Variants in CACNA2D1 observed in about 807,000 individuals in gnomAD.
CACNA2D1 encodes the protein voltage-dependent calcium channel subunit alpha-2/delta-1.
A neutral mutation model predicts 171.5 loss-of-function variants in CACNA2D1; 53 were observed. That is an observed-to-expected ratio of 0.31 (90% CI 0.25 to 0.39). The LOEUF is 0.39. Among genes scored for constraint, CACNA2D1 ranks in the 10% least tolerant of loss-of-function variants. The pLI is 1.00. For synonymous variants in CACNA2D1, 442 were observed against 443.1 expected (o/e 1.00, Z 0.03); for missense variants, 903 against 1,299.8 (o/e 0.69, Z 4.69).
chr7:82,020,578 C>A (rs1801066758), intron 12 of CACNA2D1, among the ~76,000 whole-genome samples: 1 of 151,894 alleles, frequency 6.6e-6, no homozygotes, highest in South Asian at 2.1e-4. Context: ...CTTTTATAGT[C>A]AAACTATTAG....
At chr7:81,987,461 C>G (rs1290218321) in intron 21 of CACNA2D1, among the ~76,000 whole-genome samples, 1 of 152,084 alleles carries the variant, frequency 6.6e-6, no homozygotes, top group Non-Finnish European at 1.5e-5. Flanking sequence ...CTTTTCAACT[C>G]ATTTATCTCC....
At chr7:82,251,814 A>G (rs555576273) in intron 3 of CACNA2D1, among the ~76,000 whole-genome samples, 3 of 152,328 alleles carry the variant, frequency 2.0e-5, no homozygotes, top group African/African-American at 7.2e-5. Flanking sequence ...TGGAAGGAGC[A>G]GGAGATAGGA....
chr7:82,136,748 T>C (rs1791668831), intron 4 of CACNA2D1, 72 bp from the exon 5 acceptor site: 3 of 1,006,944 alleles, frequency 3.0e-6, no homozygotes, highest in Non-Finnish European at 3.0e-6. Flanking sequence ...ATACATTTTA[T>C]GCATATTATA....
chr7:81,969,794 A>C (rs968526066), intron 28 of CACNA2D1, 87 bp downstream of exon 28: 1 of 754,916 alleles, frequency 1.3e-6, no homozygotes, highest in Admixed American at 1.9e-5. Context: ...TTAACATAAA[A>C]TGTAGTGATT....
chr7:82,125,080 A>G (rs534071046), intron 5 of CACNA2D1, among the ~76,000 whole-genome samples: 1 of 152,364 alleles, frequency 6.6e-6, no homozygotes, highest in East Asian at 1.9e-4. Flanking sequence ...TTATGTTGGA[A>G]TTAATTTTAA....
intron 3 of CACNA2D1, among the ~76,000 whole-genome samples, chr7:82,222,851 T>G (rs765485361): frequency 4.6e-5 from 7 of 151,580 alleles, no homozygotes; most frequent in Admixed American, 2.6e-4. Flanking sequence ...TCAAAATTAG[T>G]TTTTTTTCCA....
At chr7:82,241,348 C>T (rs1379912372) in intron 3 of CACNA2D1, among the ~76,000 whole-genome samples, 7 of 152,160 alleles carry the variant, frequency 4.6e-5, no homozygotes, top group African/African-American at 1.4e-4. Context: ...ATTCTCTACA[C>T]CACAAGGTAA....
intron 6 of CACNA2D1, among the ~76,000 whole-genome samples, chr7:82,085,228 T>C (rs1810307495): frequency 6.6e-6 from 1 of 152,096 alleles, no homozygotes; most frequent in South Asian, 2.1e-4. Context: ...CCTGTGAAAA[T>C]GTTTAGCAGC....
chr7:82,048,642 T>C (rs1256047638), intron 10 of CACNA2D1, among the ~76,000 whole-genome samples: 4 of 152,114 alleles, frequency 2.6e-5, no homozygotes, highest in African/African-American at 7.2e-5. Context: ...TAAGTTCTCA[T>C]AGTGTCAATT....
At chr7:82,069,410 T>C (rs561147720) in intron 7 of CACNA2D1, among the ~76,000 whole-genome samples, 1 of 152,188 alleles carries the variant, frequency 6.6e-6, no homozygotes, top group Non-Finnish European at 1.5e-5. Flanking sequence ...CAGTTCACAA[T>C]GTAGACGTCT....
At chr7:82,009,418 A>C (rs781632257) in intron 15 of CACNA2D1, among the ~76,000 whole-genome samples, 1 of 152,104 alleles carries the variant, frequency 6.6e-6, no homozygotes, top group Non-Finnish European at 1.5e-5. Context: ...TAATTATATA[A>C]ATTAATGCTT....
chr7:82,103,111 C>G (rs1812886353), intron 6 of CACNA2D1, among the ~76,000 whole-genome samples: 2 of 152,078 alleles, frequency 1.3e-5, no homozygotes, highest in South Asian at 2.1e-4. Context: ...AGTTCGAGAC[C>G]AGCCTGGCCA....
chr7:81,961,781 A>G, intron 36 of CACNA2D1, 113 bp downstream of exon 36: 1 of 929,730 alleles, frequency 1.1e-6, no homozygotes, highest in South Asian at 1.5e-5. Flanking sequence ...ACTCCAACAC[A>G]ATTTTCAGTT....
chr7:82,333,582 G>A (rs1455116246), intron 3 of CACNA2D1, among the ~76,000 whole-genome samples: 3 of 151,584 alleles, frequency 2.0e-5, no homozygotes, highest in East Asian at 1.9e-4. Flanking sequence ...GGAAAGACCC[G>A]CCCCCATGAT....
At chr7:82,060,663 A>G in intron 9 of CACNA2D1, 136 bp from the exon 10 acceptor site, 1 of 511,488 alleles carries the variant, frequency 2.0e-6, no homozygotes, top group Non-Finnish European at 3.3e-6. Context: ...CTTGAAAATC[A>G]GTTTAAAAAG....
chr7:81,965,171 G>T (rs1378977245), intron 32 of CACNA2D1, among the ~76,000 whole-genome samples: 1 of 151,920 alleles, frequency 6.6e-6, no homozygotes, highest in Non-Finnish European at 1.5e-5. Context: ...AGATTCAGAA[G>T]TGAAATTAGT....
chr7:81,950,408 G>A lies in CACNA2D1; in HGVS notation c.3260C>T (p.Thr1087Ile), dbSNP rs1457933535. The A allele has an allele frequency of 2.5e-6, 4 of 1,613,192 alleles. No homozygotes were observed. The Admixed American group carries it at 6.7e-5, about 27-fold the overall frequency. Residue 1087 changes from threonine to isoleucine, a missense_variant, in exon 39 of 39, where the codon ACA becomes ATA. Physicochemically the swap from Thr to Ile is moderately conservative, Grantham distance 89. Coordinates refer to ENST00000356860, the MANE Select transcript of CACNA2D1 (RefSeq NM_000722.4). ...TTTAGAAGGTCATAACAGGCGGTGT[G>A]TGCTGCCAGATACCAGCCAAAGTAG... ...FLLLWLVSGSTHRLL is the reference protein window; with the variant it reads ...FLLLWLVSGSIHRLL
chr7:82,260,280 G>A (rs974080933), intron 3 of CACNA2D1, among the ~76,000 whole-genome samples: 5 of 152,036 alleles, frequency 3.3e-5, no homozygotes, highest in Non-Finnish European at 5.9e-5. Context: ...GGCACTTAGC[G>A]AGTGTCATGT....
At chr7:82,093,146 C>G (rs1167028082) in intron 6 of CACNA2D1, among the ~76,000 whole-genome samples, 1 of 152,114 alleles carries the variant, frequency 6.6e-6, no homozygotes, top group African/African-American at 2.4e-5. Flanking sequence ...ACAGACTGCA[C>G]GTCTTTCTGT....
Sources: gnomAD v4.1 joint callset for allele counts (sites outside exome capture counted in the v4.1 genomes callset) on GRCh38, gnomAD v4.1.1 for gene constraint, MANE v1.5 for transcripts, NCBI Gene and HGNC (gene_info 2026-07-23, HGNC 2026-07-21) for gene names.